IPO7: variants seen among roughly 807,000 people sequenced by gnomAD.
IPO7 encodes the protein importin 7, also known as importin-7.
Under a neutral mutation model 136.4 loss-of-function variants are expected in IPO7, and 13 were observed. The observed-to-expected ratio is 0.10, with a 90% CI of 0.06 to 0.15. The LOEUF (loss-of-function observed/expected upper bound fraction) is 0.15. IPO7 is among the 10% of genes least tolerant of loss of function. IPO7 has a pLI of 1.00. For synonymous variants in IPO7, 403 were observed against 404.4 expected (o/e 1.00, Z 0.04); for missense variants, 857 against 1,240.6 (o/e 0.69, Z 4.65).
At chr11:9,434,874 A>G in intron 18 of IPO7, 60 bp from the exon 19 acceptor site, 1 of 1,184,908 alleles carries the variant, frequency 8.4e-7, no homozygotes, top group Non-Finnish European at 1.2e-6. Context: ...AAATTTTTCA[A>G]AAGCAAAGAA....
intron 6 of IPO7, among the ~76,000 whole-genome samples, chr11:9,419,993 G>A (rs148076626): frequency 2.1e-3 from 319 of 152,112 alleles, no homozygotes; most frequent in Middle Eastern, 0.01. Flanking sequence ...ATTTAAATAG[G>A]GTTAATACTT....
At chr11:9,439,582 T>TTTG (rs976770943) in intron 22 of IPO7, among the ~76,000 whole-genome samples, 3 of 152,020 alleles carry the variant, frequency 2.0e-5, no homozygotes, top group Non-Finnish European at 2.9e-5. Flanking sequence ...TTTGTTTTTT[T>TTTG]TTGTTGTTGT....
chr11:9,446,168 T>C lies in IPO7; in HGVS notation c.*974T>C, dbSNP rs1855524774. 2 of 152,202 alleles carry C rather than the reference T, an allele frequency of 1.3e-5. No homozygotes were observed. Among genetic ancestry groups the C allele is most frequent in the Admixed American group, 1.3e-4 (2 of 15,272 alleles). The allele number at this position is 152,202 out of a possible 1,614,324, so 9.4% of individuals were successfully genotyped here. Reference sequence around the variant, plus strand: ...TAAAGTTCTGCTCTTAAAGAGTTGATCTAAGAGTATGGCTAAACATCTATA... The same window carrying C: ...TAAAGTTCTGCTCTTAAAGAGTTGACCTAAGAGTATGGCTAAACATCTATA... On this transcript the variant is annotated 3_prime_UTR_variant, in exon 25 of 25. Coordinates refer to ENST00000379719, the MANE Select transcript of IPO7 (RefSeq NM_006391.3).
rs1461456163 is a variant in IPO7 at position 9,437,740 on chromosome 11, A to G, written c.2269-14A>G. The G allele has an allele frequency of 4.5e-6, 7 of 1,568,350 alleles. No individual in the cohort carries two copies. The highest frequency in any genetic ancestry group is 4.5e-5 in the East Asian group (2 of 44,532). The stretch of plus-strand genomic sequence containing the variant: ...AATTATAGTCTTAGAATATCTTGCT[A>G]TCTTTTTTTGTAGTGCATTCCCTTA... On this transcript the variant is annotated splice_polypyrimidine_tract_variant and intron_variant, in intron 20 of 24. Coordinates refer to ENST00000379719, the MANE Select transcript of IPO7 (RefSeq NM_006391.3).
chr11:9,438,828 A>G (rs1350901136), intron 22 of IPO7, among the ~76,000 whole-genome samples: 3 of 152,216 alleles, frequency 2.0e-5, no homozygotes, highest in Admixed American at 6.5e-5. Flanking sequence ...TATTTTACAC[A>G]TTCTCAGCAC....
At chr11:9,425,104 T>G in intron 11 of IPO7, 42 bp from the exon 12 acceptor site, 1 of 1,354,040 alleles carries the variant, frequency 7.4e-7, no homozygotes, top group Non-Finnish European at 1.1e-6. Flanking sequence ...TTTTAAGGAC[T>G]GTTGGCCTAT....
chr11:9,423,256 T>G (rs1425696848), intron 9 of IPO7, 116 bp downstream of exon 9: 1 of 605,378 alleles, frequency 1.7e-6, no homozygotes, highest in Non-Finnish European at 2.8e-6. Context: ...CTACTTCTGG[T>G]GATTGTTTTG....
intron 5 of IPO7, among the ~76,000 whole-genome samples, chr11:9,415,429 C>A (rs567514206): frequency 6.6e-6 from 1 of 152,048 alleles, no homozygotes; most frequent in Non-Finnish European, 1.5e-5. Context: ...CAGTACAAAA[C>A]GTATTCCTAA....
intron 12 of IPO7, among the ~76,000 whole-genome samples, chr11:9,426,917 G>A (rs1221827080): frequency 3.6e-5 from 4 of 111,914 alleles, no homozygotes; most frequent in Admixed American, 8.9e-5. Flanking sequence ...CCGCCCCCCC[G>A]CCATATGCTG....
intron 12 of IPO7, among the ~76,000 whole-genome samples, chr11:9,426,066 T>A (rs114846224): frequency 0.022 from 3,285 of 151,940 alleles, 121 homozygotes; most frequent in African/African-American, 0.075. Flanking sequence ...AATAAAAAAA[T>A]AAAAAATAAC....
At chr11:9,410,844 G>A (rs1372436691) in intron 4 of IPO7, among the ~76,000 whole-genome samples, 1 of 152,128 alleles carries the variant, frequency 6.6e-6, no homozygotes, top group Non-Finnish European at 1.5e-5. Flanking sequence ...TACCATGATC[G>A]TGACTTTATT....
At chr11:9,408,690 T>A in intron 3 of IPO7, 51 bp downstream of exon 3, 2 of 1,273,298 alleles carry the variant, frequency 1.6e-6, no homozygotes, top group Non-Finnish European at 2.1e-6. Flanking sequence ...ACTTTCAGGG[T>A]TTTTTGTTTT....
At chr11:9,426,912 C>G (rs1490704935) in intron 12 of IPO7, among the ~76,000 whole-genome samples, 2 of 151,786 alleles carry the variant, frequency 1.3e-5, no homozygotes, top group Non-Finnish European at 2.9e-5. Context: ...CCTCCCCGCC[C>G]CCCCGCCATA....
intron 1 of IPO7, among the ~76,000 whole-genome samples, chr11:9,402,348 C>T (rs1440385221): frequency 2.2e-5 from 3 of 137,956 alleles, no homozygotes; most frequent in African/African-American, 2.7e-5. Flanking sequence ...TGCAGTGAGC[C>T]GAGATCATGC....
In IPO7 at chr11:9,397,341, A is replaced by AAAAAAAAAAATATATAT; in HGVS notation, c.85-5948_85-5947insAAAAAAAAATATATATA. Among the ~76,000 whole-genome samples the AAAAAAAAAAATATATAT allele has an allele frequency of 1.1e-3, 12 of 10,760 alleles. 2 individuals are homozygous for AAAAAAAAAAATATATAT. Among genetic ancestry groups the AAAAAAAAAAATATATAT allele is most frequent in the East Asian group, 0.024 (2 of 84 alleles). The allele number at this position is 10,760 out of a possible 152,430, so 7.1% of individuals were successfully genotyped here. On this transcript the variant is annotated intron_variant, in intron 1 of 24. Coordinates refer to ENST00000379719, the MANE Select transcript of IPO7 (RefSeq NM_006391.3). ...CTTTACTAAAAATAATTTAAAAAAA[A>AAAAAAAAAAATATATAT]ATATATATATATATATATATATATT... is the stretch of plus-strand genomic sequence containing the variant.
chr11:9,418,784 C>T (rs1004942873), intron 6 of IPO7, among the ~76,000 whole-genome samples: 1 of 152,174 alleles, frequency 6.6e-6, no homozygotes, highest in African/African-American at 2.4e-5. Flanking sequence ...GCCATCACCT[C>T]AGAATGTTTG....
In IPO7 at chr11:9,445,269, T is replaced by C. The variant is rs1855512712; in HGVS notation, c.*75T>C. 14 of 912,388 alleles carry C rather than the reference T, an allele frequency of 1.5e-5. No homozygotes were observed. Among genetic ancestry groups the C allele is most frequent in the Non-Finnish European group, 2.5e-5 (14 of 555,578 alleles). 56.5% of individuals were successfully genotyped at this position (912,388 alleles called of 1,614,324 possible). A position where few individuals can be genotyped will look rare whatever the true frequency, so the allele number is the denominator to read the frequency against. On this transcript the variant is annotated 3_prime_UTR_variant, in exon 25 of 25. Coordinates refer to ENST00000379719, the MANE Select transcript of IPO7 (RefSeq NM_006391.3). ...CTCCTAGTAGTGGTTCCAGAACTGG[T>C]TCATGTTATCTATTCTAAACTAATA...
chr11:9,407,758 T>C (rs1427218244), intron 2 of IPO7, among the ~76,000 whole-genome samples: 1 of 152,212 alleles, frequency 6.6e-6, no homozygotes, highest in Non-Finnish European at 1.5e-5. Flanking sequence ...AATTTAAGAA[T>C]TAATTTTGGA....
chr11:9,440,449 T>C lies in IPO7; in HGVS notation c.2696-6T>C, dbSNP rs1317084701. 9.9e-6 allele frequency: 16 copies of C among 1,609,460 alleles called. No individual in the cohort carries two copies. The highest frequency in any genetic ancestry group is 1.4e-5 in the Non-Finnish European group (16 of 1,175,822). ...TTATAAAAGTACTTATATTATGACT[T>C]GGCAGAGGAACTGGGGAGTGATGAA... is the stretch of plus-strand genomic sequence containing the variant. On this transcript the variant is annotated splice_polypyrimidine_tract_variant and splice_region_variant and intron_variant, in intron 22 of 24. Transcript: ENST00000379719.
Sources: gnomAD v4.1 joint callset for allele counts (sites outside exome capture counted in the v4.1 genomes callset) on GRCh38, gnomAD v4.1.1 for gene constraint, MANE v1.5 for transcripts, NCBI Gene and HGNC (gene_info 2026-07-23, HGNC 2026-07-21) for gene names.